MYO1H: variants seen among roughly 807,000 people sequenced by gnomAD.
MYO1H encodes the protein myosin IH.
A neutral mutation model predicts 149.3 loss-of-function variants in MYO1H; 118 were observed. That is an observed-to-expected ratio of 0.79 (90% CI 0.68 to 0.92). The LOEUF is 0.92. Among genes scored for constraint, MYO1H ranks in the 40% least tolerant of loss-of-function variants. The pLI, the probability that MYO1H is intolerant of heterozygous loss-of-function variation, is 0.00. For missense variants in MYO1H, 1,212 were observed against 1,280.7 expected (o/e 0.95, Z 0.82); for synonymous variants, 447 against 465.2 (o/e 0.96, Z 0.50).
At chr12:109,355,834 A>C (rs1054242578) in intron 1 of MYO1H, among the ~76,000 whole-genome samples, 1 of 151,158 alleles carries the variant, frequency 6.6e-6, no homozygotes, top group Non-Finnish European at 1.5e-5. Flanking sequence ...CAGCCTCCCA[A>C]GTAGCTGGGA....
intron 19 of MYO1H, among the ~76,000 whole-genome samples, chr12:109,429,188 T>C (rs577828776): frequency 1.3e-4 from 19 of 145,492 alleles, no homozygotes; most frequent in African/African-American, 4.5e-4. Context: ...GCCTGGGTGA[T>C]AGAATGAGAC....
chr12:109,431,652 C>T (rs1871625152), intron 19 of MYO1H, among the ~76,000 whole-genome samples: 1 of 152,214 alleles, frequency 6.6e-6, no homozygotes, highest in Non-Finnish European at 1.5e-5. Flanking sequence ...AGCCTTGATC[C>T]ATCTGCACTT....
intron 1 of MYO1H, among the ~76,000 whole-genome samples, chr12:109,372,419 T>G (rs1281398349): frequency 1.3e-5 from 2 of 152,096 alleles, no homozygotes; most frequent in Non-Finnish European, 2.9e-5. Flanking sequence ...ATTCACACTT[T>G]TTAGATGACA....
chr12:109,324,628 ACT>A, the MYO1H span, among the ~76,000 whole-genome samples: 18 of 152,270 alleles, frequency 1.2e-4, no homozygotes, highest in African/African-American at 4.3e-4. Context: ...ATGGGTGAAC[ACT>A]GATTTCTTTC....
exon 24 of MYO1H, chr12:109,439,639 A>C (rs755439526): frequency 3.1e-6 from 5 of 1,610,502 alleles, no homozygotes; most frequent in South Asian, 2.2e-5. Flanking sequence ...AGGTTCATTA[A>C]AGGATTCATC....
chr12:109,335,577 A>AC, the MYO1H span, among the ~76,000 whole-genome samples: 2 of 129,344 alleles, frequency 1.5e-5, no homozygotes, highest in Non-Finnish European at 3.5e-5. Context: ...AAACAAACAA[A>AC]CAAAAAAAAA....
Position 109,420,079 on chromosome 12 carries a change from C to G in MYO1H, c.1598-902C>G, listed in dbSNP as rs916017749. On this transcript the variant is annotated intron_variant, in intron 15 of 31. Coordinates refer to ENST00000310903, the Ensembl canonical transcript of MYO1H. ...TCTCAGTCGTGGGGAATTTTCTCAT[C>G]TATTTAGAGTCCCAGCTGGCTGTCC... Among the ~76,000 whole-genome samples, 7 of 152,160 alleles carry G rather than the reference C, an allele frequency of 4.6e-5. No individual in the cohort carries two copies. In the East Asian group the frequency reaches 9.6e-4, roughly 21 times the overall value.
chr12:109,335,048 A>G, the MYO1H span, among the ~76,000 whole-genome samples: 1 of 152,022 alleles, frequency 6.6e-6, no homozygotes, highest in African/African-American at 2.4e-5. Flanking sequence ...CTTCTTTAGC[A>G]TAATATCTTT....
intron 17 of MYO1H, among the ~76,000 whole-genome samples, chr12:109,425,474 G>C (rs904394784): frequency 1.3e-5 from 2 of 152,216 alleles, no homozygotes; most frequent in African/African-American, 2.4e-5. Flanking sequence ...CAGGCACTGT[G>C]CCAGGCACAG....
intron 15 of MYO1H, among the ~76,000 whole-genome samples, 198 bp from the exon 16 acceptor site, chr12:109,420,783 C>T (rs1272129171): frequency 2.6e-5 from 4 of 152,132 alleles, no homozygotes; most frequent in African/African-American, 9.7e-5. Flanking sequence ...AGATGCTTCT[C>T]AACATCCCAC....
At chr12:109,355,449 T>G (rs1868567322) in intron 1 of MYO1H, among the ~76,000 whole-genome samples, 1 of 152,190 alleles carries the variant, frequency 6.6e-6, no homozygotes, top group Non-Finnish European at 1.5e-5. Flanking sequence ...GTTCTGTGGA[T>G]GCTCGAACTG....
chr12:109,418,274 G>A (rs1339143538), intron 15 of MYO1H, among the ~76,000 whole-genome samples: 1 of 151,380 alleles, frequency 6.6e-6, no homozygotes, highest in Non-Finnish European at 1.5e-5. Flanking sequence ...GAAGTTTTTA[G>A]TTTTGATGAA....
chr12:109,413,194 C>T (rs1214798606), intron 14 of MYO1H, among the ~76,000 whole-genome samples: 5 of 152,012 alleles, frequency 3.3e-5, no homozygotes, highest in Admixed American at 6.6e-5. Flanking sequence ...AGGCTGGTCT[C>T]GAACTCCTGA....
chr12:109,440,748 C>A lies in MYO1H; in HGVS notation c.2459C>A (p.Ser820Ter). The change falls in exon 25 of 32, where the codon TCA becomes TAA. Residue 820 changes from serine (S) to a stop codon, truncating the protein, a stop_gained. Transcript: ENST00000310903. LOFTEE classifies it high-confidence loss of function. Reference sequence around the variant, plus strand: ...AGAAGTGTGTTCTCCACACAGGCATCAGATCTGCTCAGGAAAATGTGCGTG... The same window carrying A: ...AGAAGTGTGTTCTCCACACAGGCATAAGATCTGCTCAGGAAAATGTGCGTG... 6.4e-7 allele frequency: 1 copy of A among 1,560,268 alleles called. No individual in the cohort carries two copies. The highest frequency in any genetic ancestry group is 8.7e-7 in the Non-Finnish European group (1 of 1,151,934).
At chr12:109,396,814 GTTTTTTTT>G (rs60551691) in intron 4 of MYO1H, among the ~76,000 whole-genome samples, 3 of 51,088 alleles carry the variant, frequency 5.9e-5, no homozygotes, top group Non-Finnish European at 8.0e-5. Context: ...TTTTGGTTTC[GTTTTTTTT>G]TTTTTTTTTT....
rs930334139 is a variant in MYO1H at position 109,438,430 on chromosome 12, G to A, written c.2210-106G>A. On this transcript the variant is annotated intron_variant, in intron 22 of 31. Coordinates refer to ENST00000310903, the Ensembl canonical transcript of MYO1H. ...ATCTCTGAGGCTAACAGAGTGCTGC[G>A]GTGGGCGTCCAGATGTTTGTTGAAT... is the stretch of plus-strand genomic sequence containing the variant. 20 of 807,490 alleles carry A rather than the reference G, an allele frequency of 2.5e-5. No homozygotes were observed. The Admixed American group carries it at 2.8e-4, about 11-fold the overall frequency. The allele number at this position is 807,490 out of a possible 1,614,324, so 50.0% of individuals were successfully genotyped here.
intron 1 of MYO1H, among the ~76,000 whole-genome samples, chr12:109,381,421 A>G: frequency 6.6e-6 from 1 of 152,164 alleles, no homozygotes; most frequent in East Asian, 1.9e-4. Context: ...CTCCAAAATA[A>G]CAATAATAAA....
the MYO1H span, among the ~76,000 whole-genome samples, chr12:109,326,297 G>T: frequency 6.6e-6 from 1 of 151,922 alleles, no homozygotes. Flanking sequence ...CTACTTCCAT[G>T]CTGTCTGTCA....
chr12:109,333,112 G>A, the MYO1H span, among the ~76,000 whole-genome samples: 9 of 152,156 alleles, frequency 5.9e-5, no homozygotes, highest in African/African-American at 2.2e-4. Flanking sequence ...CTGAGGTCAG[G>A]AGTTTGAGAC....
Sources: gnomAD v4.1 joint callset for allele counts (sites outside exome capture counted in the v4.1 genomes callset) on GRCh38, gnomAD v4.1.1 for gene constraint, MANE v1.5 for transcripts, NCBI Gene and HGNC (gene_info 2026-07-23, HGNC 2026-07-21) for gene names.